The following ADCY2 variants were observed in gnomAD, a reference collection of about 807,000 sequenced individuals.
ADCY2 encodes the protein adenylate cyclase type 2.
A neutral mutation model predicts 125.2 loss-of-function variants in ADCY2; 31 were observed. The observed-to-expected ratio is 0.25, with a 90% CI of 0.19 to 0.33. The LOEUF is 0.33. Among genes scored for constraint, ADCY2 ranks in the 10% least tolerant of loss-of-function variants. The probability of loss-of-function intolerance (pLI) is 1.00; values close to 1 mark genes in which losing one functional copy is unlikely to be tolerated. For synonymous variants in ADCY2, 512 were observed against 548.4 expected, an observed-to-expected ratio of 0.93 and a Z score of 0.93; for missense variants, 904 against 1,418.2, an observed-to-expected ratio of 0.64 and a Z score of 5.82.
chr5:7,753,430 G>T (rs1742889540), intron 15 of ADCY2, among the ~76,000 whole-genome samples: 1 of 152,160 alleles, frequency 6.6e-6, no homozygotes. Flanking sequence ...CAAAGAAAAT[G>T]ACTCCACTGA....
intron 3 of ADCY2, among the ~76,000 whole-genome samples, chr5:7,601,627 A>G (rs1229242552): frequency 6.6e-6 from 1 of 152,174 alleles, no homozygotes; most frequent in Non-Finnish European, 1.5e-5. Context: ...CACTCATTTA[A>G]TGAATGAGAC....
intron 3 of ADCY2, among the ~76,000 whole-genome samples, chr5:7,560,819 G>A (rs1162709897): frequency 6.6e-6 from 1 of 151,644 alleles, no homozygotes; most frequent in East Asian, 1.9e-4. Context: ...CTCCTGAGTA[G>A]CCAAGATTAC....
chr5:7,613,123 A>G (rs4640758), intron 3 of ADCY2, among the ~76,000 whole-genome samples: 94,133 of 151,478 alleles, frequency 0.62, 29,894 homozygotes, highest in Non-Finnish European at 0.67. Context: ...AAACCTGCAC[A>G]TTGTACACAT....
chr5:7,787,749 G>A (rs1237499033), intron 19 of ADCY2, among the ~76,000 whole-genome samples: 1 of 152,126 alleles, frequency 6.6e-6, no homozygotes, highest in African/African-American at 2.4e-5. Flanking sequence ...CAGCTGAACC[G>A]AAATACTCTG....
intron 20 of ADCY2, chr5:7,797,631 T>C (rs1295461921): frequency 6.6e-6 from 1 of 152,244 alleles, no homozygotes; most frequent in Non-Finnish European, 1.5e-5. Context: ...AGAGGGAATT[T>C]CAGCCTGCGA....
chr5:7,741,401 A>G (rs553483347), intron 14 of ADCY2, among the ~76,000 whole-genome samples: 3 of 152,144 alleles, frequency 2.0e-5, no homozygotes, highest in Non-Finnish European at 1.5e-5. Context: ...ACTAACTACT[A>G]TATAGGATTA....
At chr5:7,527,246 A>C (rs1013563923) in intron 3 of ADCY2, among the ~76,000 whole-genome samples, 4 of 152,216 alleles carry the variant, frequency 2.6e-5, no homozygotes, top group African/African-American at 9.6e-5. Flanking sequence ...AGTGGGTCCA[A>C]AGGTCAGGAG....
chr5:7,777,148 C>T (rs749068131), intron 18 of ADCY2, among the ~76,000 whole-genome samples: 25 of 151,304 alleles, frequency 1.7e-4, no homozygotes, highest in Non-Finnish European at 3.4e-4. Flanking sequence ...TTTCACCCCT[C>T]GGTGTGCCTG....
intron 2 of ADCY2, among the ~76,000 whole-genome samples, chr5:7,507,124 G>A (rs1298415674): frequency 6.6e-6 from 1 of 151,488 alleles, no homozygotes; most frequent in Non-Finnish European, 1.5e-5. Flanking sequence ...AGTGCACATC[G>A]AAAGGGAGCC....
At chr5:7,594,263 G>A (rs1561115521) in intron 3 of ADCY2, among the ~76,000 whole-genome samples, 1 of 152,070 alleles carries the variant, frequency 6.6e-6, no homozygotes, top group Non-Finnish European at 1.5e-5. Context: ...ATTAGTGATG[G>A]AAGTGGTAGG....
Position 7,816,767 on chromosome 5 carries a change from T to A in ADCY2, c.2884-99T>A, listed in dbSNP as rs326156. ...GTGCCTTGTAGCATTAGAATTTGCC[T>A]GCATTCCTTTCTGCCTAAAGCTCAG... On this transcript the variant is annotated intron_variant, in intron 22 of 24. Transcript: ENST00000338316. 19,109 of 872,934 alleles carry A rather than the reference T, an allele frequency of 0.022. 1,817 individuals carry two copies. In the African/African-American group the frequency reaches 0.23, roughly 11 times the overall value. The allele number at this position is 872,934 out of a possible 1,614,324, so 54.1% of individuals were successfully genotyped here. A position where few individuals can be genotyped will look rare whatever the true frequency, so the allele number is the denominator to read the frequency against.
chr5:7,557,133 GTTTA>G (rs55867729), intron 3 of ADCY2, among the ~76,000 whole-genome samples: 42,808 of 137,708 alleles, frequency 0.31, 7,531 homozygotes, highest in Non-Finnish European at 0.4. Context: ...AGCAAAAACA[GTTTA>G]TATATATATA....
intron 3 of ADCY2, among the ~76,000 whole-genome samples, chr5:7,616,046 A>G (rs1669999412): frequency 6.6e-6 from 1 of 152,202 alleles, no homozygotes; most frequent in Non-Finnish European, 1.5e-5. Flanking sequence ...TTTGGGCATA[A>G]TACTTAAGTT....
intron 22 of ADCY2, among the ~76,000 whole-genome samples, chr5:7,809,722 T>C (rs1423912238): frequency 2.0e-5 from 3 of 152,230 alleles, no homozygotes; most frequent in Non-Finnish European, 2.9e-5. Flanking sequence ...GAGAAACAAG[T>C]GCACAGAAGT....
intron 9 of ADCY2, among the ~76,000 whole-genome samples, chr5:7,708,499 G>T (rs971049090): frequency 2.0e-5 from 3 of 151,976 alleles, no homozygotes; most frequent in Non-Finnish European, 4.4e-5. Flanking sequence ...CTGCCAAATG[G>T]GTATTATCAC....
intron 16 of ADCY2, among the ~76,000 whole-genome samples, chr5:7,761,150 T>TTTC (rs1743192320): frequency 1.6e-5 from 2 of 121,870 alleles, no homozygotes; most frequent in African/African-American, 3.4e-5. Flanking sequence ...TTTCTTTTCT[T>TTTC]TTTTTTTTTT....
intron 13 of ADCY2, 124 bp downstream of exon 13, chr5:7,724,738 T>C: frequency 1.5e-6 from 1 of 683,172 alleles, no homozygotes; most frequent in Non-Finnish European, 2.5e-6. Flanking sequence ...TCGAACTCTT[T>C]CTGGCTTTTC....
intron 2 of ADCY2, among the ~76,000 whole-genome samples, chr5:7,485,708 C>T (rs1482367107): frequency 6.6e-6 from 1 of 152,232 alleles, no homozygotes; most frequent in South Asian, 2.1e-4. Context: ...AAGCATTCTG[C>T]AGTAGAGAAG....
At chr5:7,807,623 A>G (rs1744795057) in intron 22 of ADCY2, among the ~76,000 whole-genome samples, 1 of 151,942 alleles carries the variant, frequency 6.6e-6, no homozygotes, top group Non-Finnish European at 1.5e-5. Flanking sequence ...CTAAGACTTT[A>G]TCTATCCCCT....
Sources: allele counts gnomAD v4.1 joint callset (sites outside exome capture counted in the v4.1 genomes callset), GRCh38; gene constraint gnomAD v4.1.1; transcripts MANE v1.5; gene names NCBI Gene and HGNC (gene_info 2026-07-23, HGNC 2026-07-21).